The following EMB variants were observed in gnomAD, a reference collection of about 807,000 sequenced individuals.
EMB encodes embigin, also known as embigin homolog.
A neutral mutation model predicts 41.4 loss-of-function variants in EMB; 31 were observed. The ratio of observed to expected loss-of-function variants is 0.75; its 90% confidence interval spans 0.56 to 1.01. The LOEUF (loss-of-function observed/expected upper bound fraction) is 1.01, where lower values mean the gene tolerates loss of function less well. EMB is among the 50% of genes least tolerant of loss of function. The pLI, the probability that EMB is intolerant of heterozygous loss-of-function variation, is 0.00. For missense variants in EMB, 379 were observed against 388.3 expected (o/e 0.98, Z 0.20); for synonymous variants, 137 against 140.4 (o/e 0.98, Z 0.17).
intron 2 of EMB, among the ~76,000 whole-genome samples, chr5:50,424,368 T>A (rs1745576593): frequency 1.3e-5 from 2 of 152,172 alleles, no homozygotes; most frequent in African/African-American, 2.4e-5. Context: ...TAAATACATA[T>A]CAGAGAAGCA....
Position 50,400,401 on chromosome 5 carries a change from C to T in EMB, c.912-488G>A, listed in dbSNP as rs535683632. On this transcript the variant is annotated intron_variant, in intron 7 of 8. Transcript: ENST00000303221. ...TGACGGAAACTAAATAACCAGTATGCATAATGAATACCTTGCCCTTCAAGG... is the reference window on the plus strand; with the variant it reads ...TGACGGAAACTAAATAACCAGTATGTATAATGAATACCTTGCCCTTCAAGG... Among the ~76,000 whole-genome samples, 5 of 152,018 alleles carry T rather than the reference C, an allele frequency of 3.3e-5. No homozygotes were observed. In the East Asian group the frequency reaches 7.7e-4, roughly 24 times the overall value.
At chr5:50,421,698 T>C (rs1210485988) in intron 2 of EMB, among the ~76,000 whole-genome samples, 1 of 151,768 alleles carries the variant, frequency 6.6e-6, no homozygotes, top group Non-Finnish European at 1.5e-5. Context: ...ATATACACCA[T>C]GGAATACTAT....
chr5:50,410,833 T>C lies in EMB; in HGVS notation c.472+44A>G, dbSNP rs146877083. 3.4e-3 allele frequency: 3,998 copies of C among 1,171,572 alleles called. 111 individuals are homozygous for C. The African/African-American group carries it at 0.057, about 17-fold the overall frequency. The allele number at this position is 1,171,572 out of a possible 1,614,324, so 72.6% of individuals were successfully genotyped here. A position where few individuals can be genotyped will look rare whatever the true frequency, so the allele number is the denominator to read the frequency against. On this transcript the variant is annotated intron_variant, in intron 4 of 8. Coordinates refer to ENST00000303221, the MANE Select transcript of EMB (RefSeq NM_198449.3). ...TACAGGATTGAGAAATCTAAGAACA[T>C]AATGCTGAAGTTATTAACTATTCCT...
intron 2 of EMB, among the ~76,000 whole-genome samples, chr5:50,414,146 T>C (rs1473155712): frequency 6.6e-6 from 1 of 152,282 alleles, no homozygotes; most frequent in Admixed American, 6.5e-5. Flanking sequence ...AACAAATTTC[T>C]CAAGCTCTTC....
At chr5:50,434,364 T>C (rs1483485238) in intron 1 of EMB, among the ~76,000 whole-genome samples, 1 of 152,222 alleles carries the variant, frequency 6.6e-6, no homozygotes, top group Non-Finnish European at 1.5e-5. Flanking sequence ...TGGCCCTAAA[T>C]TCCTGTTCTG....
intron 2 of EMB, among the ~76,000 whole-genome samples, chr5:50,423,894 A>C (rs1225340404): frequency 1.3e-5 from 2 of 152,200 alleles, no homozygotes; most frequent in African/African-American, 4.8e-5. Context: ...CTTTTGGTTT[A>C]AATGCCTAAC....
chr5:50,418,030 T>C (rs1029361488), intron 2 of EMB, among the ~76,000 whole-genome samples: 3 of 152,220 alleles, frequency 2.0e-5, no homozygotes, highest in African/African-American at 7.2e-5. Flanking sequence ...TTTAACATCA[T>C]TTCAAAGAAA....
At chr5:50,441,342 C>A (rs1579750013), upstream of EMB, 1 of 381,460 alleles carries the variant, frequency 2.6e-6, no homozygotes, top group Non-Finnish European at 4.7e-6. Context: ...ACGCTCTTAC[C>A]GCGCCCGGCC....
At chr5:50,408,327 T>A (rs1324707193) in intron 4 of EMB, among the ~76,000 whole-genome samples, 2 of 151,998 alleles carry the variant, frequency 1.3e-5, no homozygotes, top group African/African-American at 4.8e-5. Flanking sequence ...CTATAGACCA[T>A]CACTCATCTT....
chr5:50,432,284 A>C (rs1010005331), intron 1 of EMB, among the ~76,000 whole-genome samples: 10 of 152,190 alleles, frequency 6.6e-5, no homozygotes, highest in African/African-American at 2.4e-4. Context: ...AAATGTAAGA[A>C]GCAACTATTA....
rs377309255 is a variant in EMB, at chr5:50,400,430, T to C, written c.912-517A>G. 7.2e-5 allele frequency among the ~76,000 whole-genome samples: 11 copies of C among 152,058 alleles called. No homozygotes were observed. The East Asian group carries it at 1.9e-3, about 27-fold the overall frequency. On this transcript the variant is annotated intron_variant, in intron 7 of 8. Transcript: ENST00000303221. The stretch of plus-strand genomic sequence containing the variant: ...ATGAATACCTTGCCCTTCAAGGTCT[T>C]GGGGGCAGGCGTCAATTATCAAATC...
chr5:50,409,620 C>T (rs1745302519), intron 4 of EMB, among the ~76,000 whole-genome samples: 1 of 147,792 alleles, frequency 6.8e-6, no homozygotes, highest in African/African-American at 2.5e-5. Flanking sequence ...AGGAAATGAA[C>T]TCAAAAGGTG....
chr5:50,410,057 A>G (rs1579725209), intron 4 of EMB, among the ~76,000 whole-genome samples: 1 of 152,096 alleles, frequency 6.6e-6, no homozygotes, highest in South Asian at 2.1e-4. Flanking sequence ...AATAGCATCC[A>G]CATTCTGTCA....
chr5:50,432,654 A>T (rs1745738990), intron 1 of EMB, among the ~76,000 whole-genome samples: 2 of 151,886 alleles, frequency 1.3e-5, no homozygotes, highest in Admixed American at 1.3e-4. Flanking sequence ...TCCCCTGTCC[A>T]TAAATGCAGC....
intron 2 of EMB, among the ~76,000 whole-genome samples, chr5:50,418,605 C>T (rs1190750409): frequency 6.6e-6 from 1 of 152,202 alleles, no homozygotes; most frequent in East Asian, 1.9e-4. Flanking sequence ...ATTTACCGAA[C>T]ACCTACCATG....
chr5:50,440,501 C>A (rs1282542053), intron 1 of EMB, among the ~76,000 whole-genome samples: 2 of 138,900 alleles, frequency 1.4e-5, no homozygotes, highest in Admixed American at 1.6e-4. Context: ...CCATTGCACT[C>A]CAGCCTGGGC....
At chr5:50,421,571 T>A (rs1046938079) in intron 2 of EMB, among the ~76,000 whole-genome samples, 1 of 152,160 alleles carries the variant, frequency 6.6e-6, no homozygotes, top group Non-Finnish European at 1.5e-5. Flanking sequence ...TTATCAATCA[T>A]GCTTCTATAA....
chr5:50,419,622 G>T (rs899313380), intron 2 of EMB, among the ~76,000 whole-genome samples: 1 of 151,834 alleles, frequency 6.6e-6, no homozygotes, highest in Admixed American at 6.6e-5. Context: ...GTGAAGACTG[G>T]AGAGGGTGTG....
chr5:50,410,797 A>G (rs1363792558), intron 4 of EMB, 80 bp downstream of exon 4: 51 of 892,270 alleles, frequency 5.7e-5, no homozygotes, highest in Non-Finnish European at 7.7e-5. Flanking sequence ...TTGTAAAAAT[A>G]ATTTTAAAAT....
Sources: gnomAD v4.1 joint callset for allele counts (sites outside exome capture counted in the v4.1 genomes callset) on GRCh38, gnomAD v4.1.1 for gene constraint, MANE v1.5 for transcripts, NCBI Gene and HGNC (gene_info 2026-07-23, HGNC 2026-07-21) for gene names.